The following TET3 variants were observed in gnomAD, a reference collection of about 807,000 sequenced individuals.
TET3 encodes methylcytosine dioxygenase TET3.
Under a neutral mutation model 141.4 loss-of-function variants are expected in TET3, and 19 were observed. The observed-to-expected ratio is 0.13, with a 90% CI of 0.09 to 0.20. The LOEUF (loss-of-function observed/expected upper bound fraction) is 0.20. TET3 is among the 10% of genes least tolerant of loss of function. The probability of loss-of-function intolerance (pLI) is 1.00; values close to 1 mark genes in which losing one functional copy is unlikely to be tolerated. For missense variants in TET3, 1,874 were observed against 2,356.9 expected, an observed-to-expected ratio of 0.80 and a Z score of 4.24; for synonymous variants, 1,043 against 980.9, an observed-to-expected ratio of 1.06 and a Z score of -1.18.
At chr2:74,017,813 A>G (rs1401953832) in intron 3 of TET3, among the ~76,000 whole-genome samples, 1 of 152,124 alleles carries the variant, frequency 6.6e-6, no homozygotes, top group East Asian at 1.9e-4. Context: ...AGAAACCTCC[A>G]TGCTGTTTTC....
chr2:74,042,320 C>T (rs1469351750), intron 3 of TET3, among the ~76,000 whole-genome samples: 1 of 152,146 alleles, frequency 6.6e-6, no homozygotes. Context: ...ATAAGTAATT[C>T]CTGACCCCAG....
chr2:74,117,356 C>T, the TET3 span, among the ~76,000 whole-genome samples: 1 of 151,946 alleles, frequency 6.6e-6, no homozygotes, highest in Non-Finnish European at 1.5e-5. Context: ...GAATTACAGG[C>T]ATGAGCCACC....
rs576490588 is a variant in TET3, at chr2:74,026,606, A to T, written c.361-19672A>T. Among the ~76,000 whole-genome samples the T allele has an allele frequency of 2.0e-5, 3 of 152,232 alleles. No homozygotes were observed. The South Asian group carries it at 6.2e-4, about 32-fold the overall frequency. ...TTGTATAATAGATATTAAAAACATG[A>T]TTTGTTTTTTAACAAATGATTTGCA... On this transcript the variant is annotated intron_variant, in intron 3 of 11. Coordinates refer to ENST00000409262, the MANE Select transcript of TET3 (RefSeq NM_001287491.2).
At chr2:74,089,068 A>G (rs1029953457) in intron 7 of TET3, among the ~76,000 whole-genome samples, 3 of 139,332 alleles carry the variant, frequency 2.2e-5, no homozygotes, top group African/African-American at 5.5e-5. Context: ...GCAACAGAAC[A>G]GGATTCCGTC....
At chr2:74,073,062 AC>A (rs1689298633) in intron 4 of TET3, among the ~76,000 whole-genome samples, 1 of 152,252 alleles carries the variant, frequency 6.6e-6, no homozygotes, top group Non-Finnish European at 1.5e-5. Flanking sequence ...ACATTGGCAT[AC>A]AAGTATCTGT....
At chr2:74,067,402 AGCTT>A (rs1688965077) in intron 4 of TET3, among the ~76,000 whole-genome samples, 2 of 152,288 alleles carry the variant, frequency 1.3e-5, no homozygotes, top group Admixed American at 1.3e-4. Context: ...CTACCTGTTG[AGCTT>A]ATGTTATGTG....
At position 74,087,634 on chromosome 2, in the gene TET3, G is replaced by C. The variant is rs13013211; in HGVS notation, c.2680-196G>C. Among the ~76,000 whole-genome samples the C allele has an allele frequency of 6.6e-6, 1 of 151,972 alleles. No homozygotes were observed. The highest frequency in any genetic ancestry group is 1.5e-5 in the Non-Finnish European group (1 of 67,968). ...GTTTTTGTTCCCTAACAAAACATTT[G>C]TTCCTAATAATGTTCCCTATTTGTT... On this transcript the variant is annotated intron_variant, in intron 6 of 11. Coordinates refer to ENST00000409262, the MANE Select transcript of TET3 (RefSeq NM_001287491.2). This position sits in a 1 kb window ranked among gnomAD's most constrained non-coding sequence, Gnocchi z 4.3.
In TET3 at chr2:74,047,798, T is replaced by C; in HGVS notation, c.1881T>C (p.Ile627=). The C allele has an allele frequency of 6.2e-7, 1 of 1,613,644 alleles. No homozygotes were observed. Among genetic ancestry groups the C allele is most frequent in the South Asian group, 1.1e-5 (1 of 91,012 alleles). The change falls in exon 4 of 12, where the codon ATT becomes ATC. Residue 627 remains isoleucine (I), a synonymous_variant. Transcript: ENST00000409262. ...CCCTCTTCCCACCTGTCCGACAGATTGTCCTGGAAGGGCTTAGGTCCCCAG... is the reference window on the plus strand; with the variant it reads ...CCCTCTTCCCACCTGTCCGACAGATCGTCCTGGAAGGGCTTAGGTCCCCAG... ...AQPLFPPVRQ[I]VLEGLRSPAS... is the part of the protein sequence containing the mutation.
the TET3 span, among the ~76,000 whole-genome samples, chr2:74,113,421 A>G: frequency 0.01 from 1,534 of 152,262 alleles, 24 homozygotes; most frequent in African/African-American, 0.036. Flanking sequence ...CTCTTATTCA[A>G]CGTAGTACTA....
intron 5 of TET3, among the ~76,000 whole-genome samples, chr2:74,075,072 G>A (rs970256880): frequency 1.2e-4 from 18 of 151,948 alleles, no homozygotes; most frequent in Non-Finnish European, 2.6e-4. Context: ...GGGTTTCACC[G>A]TGTTAGCCAG....
intron 10 of TET3, among the ~76,000 whole-genome samples, chr2:74,094,135 A>T (rs1329323458): frequency 2.0e-5 from 3 of 152,228 alleles, no homozygotes; most frequent in Admixed American, 2.0e-4. Context: ...CAAGAGGGAA[A>T]AATGAAGTAG....
At chr2:74,030,943 G>C (rs533179717) in intron 3 of TET3, among the ~76,000 whole-genome samples, 1 of 152,274 alleles carries the variant, frequency 6.6e-6, no homozygotes, top group South Asian at 2.1e-4. Context: ...ATGCCCAGGG[G>C]AATGGATCTT....
Position 74,103,555 on chromosome 2 carries a change from TTTTC to T in TET3, c.*1383_*1386del, listed in dbSNP as rs1449952906. ...TTGGTGCCATTTCTCCATTTGATCA[TTTTC>T]TTTTTTTCCTTTCTCCCCTCTTCAT... On this transcript the variant is annotated 3_prime_UTR_variant, in exon 12 of 12. Coordinates refer to ENST00000409262, the MANE Select transcript of TET3 (RefSeq NM_001287491.2). 2 of 152,238 alleles carry T rather than the reference TTTTC, an allele frequency of 1.3e-5. No individual in the cohort carries two copies. Among genetic ancestry groups the T allele is most frequent in the African/African-American group, 4.8e-5 (2 of 41,458 alleles). The allele number at this position is 152,238 out of a possible 1,614,324, so 9.4% of individuals were successfully genotyped here.
At chr2:74,134,206 C>T in the TET3 span, among the ~76,000 whole-genome samples, 11 of 152,172 alleles carry the variant, frequency 7.2e-5, no homozygotes, top group Non-Finnish European at 1.2e-4. Context: ...GTTTCCTCAC[C>T]GTATCACCTG....
intron 4 of TET3, among the ~76,000 whole-genome samples, chr2:74,066,682 C>CT (rs1036009453): frequency 6.6e-6 from 1 of 152,190 alleles, no homozygotes; most frequent in African/African-American, 2.4e-5. Context: ...TTTCTCTGCC[C>CT]TTTGTGTTTT....
chr2:74,046,212 C>T lies in TET3; in HGVS notation c.361-66C>T, dbSNP rs1263400299. On this transcript the variant is annotated intron_variant, in intron 3 of 11. Transcript: ENST00000409262. This position sits in a 1 kb window ranked among gnomAD's most constrained non-coding sequence, Gnocchi z 4.3. ...AGATGTGCACCTGAGTGGTATGAAGCAGGGAAATGCTTTTCAAATAGTGTG... is the reference window on the plus strand; with the variant it reads ...AGATGTGCACCTGAGTGGTATGAAGTAGGGAAATGCTTTTCAAATAGTGTG... 2 of 1,407,008 alleles carry T rather than the reference C, an allele frequency of 1.4e-6. No homozygotes were observed. Among genetic ancestry groups the T allele is most frequent in the Non-Finnish European group, 1.9e-6 (2 of 1,067,194 alleles). 87.2% of individuals were successfully genotyped at this position (1,407,008 alleles called of 1,614,324 possible).
At chr2:74,051,775 C>T (rs144382354) in intron 4 of TET3, among the ~76,000 whole-genome samples, 2 of 152,238 alleles carry the variant, frequency 1.3e-5, no homozygotes, top group East Asian at 1.9e-4. Context: ...AGTAATTTAC[C>T]AAGGTCATAC....
intron 3 of TET3, among the ~76,000 whole-genome samples, chr2:74,034,667 T>C (rs559969346): frequency 6.6e-6 from 1 of 152,150 alleles, no homozygotes; most frequent in South Asian, 2.1e-4. Context: ...AATATTCCAT[T>C]GTCCATTCTG....
intron 2 of TET3, chr2:74,002,675 G>A: frequency 2.4e-6 from 1 of 409,476 alleles, no homozygotes; most frequent in Admixed American, 4.5e-5. Flanking sequence ...CACCAGCCCC[G>A]CGGCGGGGAG....
Sources: allele counts gnomAD v4.1 joint callset (sites outside exome capture counted in the v4.1 genomes callset), GRCh38; gene constraint gnomAD v4.1.1; non-coding constraint Gnocchi (gnomAD v3.1); transcripts MANE v1.5; gene names NCBI Gene and HGNC (gene_info 2026-07-23, HGNC 2026-07-21).